Variants in IGF2BP2 observed in about 807,000 individuals in gnomAD.
The protein encoded by IGF2BP2 is insulin-like growth factor 2 mRNA-binding protein 2.
IGF2BP2 carries 17 observed loss-of-function variants against 75.8 expected under a neutral mutation model. The ratio of observed to expected loss-of-function variants is 0.22; its 90% CI spans 0.15 to 0.34. The LOEUF (loss-of-function observed/expected upper bound fraction) is 0.34. IGF2BP2 is among the 10% of genes least tolerant of loss of function. IGF2BP2 has a pLI of 1.00. For missense variants in IGF2BP2, 516 were observed against 772.4 expected (o/e 0.67, Z 3.93); for synonymous variants, 288 against 295.6 (o/e 0.97, Z 0.26).
intron 13 of IGF2BP2, among the ~76,000 whole-genome samples, chr3:185,650,087 TC>T (rs1181537206): frequency 6.7e-6 from 1 of 149,772 alleles, no homozygotes; most frequent in East Asian, 1.9e-4. Flanking sequence ...ATGTTTTCAT[TC>T]TTTTTTTTTT....
intron 2 of IGF2BP2, among the ~76,000 whole-genome samples, chr3:185,793,344 G>T (rs1319919397): frequency 6.6e-6 from 1 of 152,098 alleles, no homozygotes; most frequent in African/African-American, 2.4e-5. Flanking sequence ...TGCCACACAG[G>T]GATGTTGGGA....
At chr3:185,651,683 C>T (rs535223221) in intron 13 of IGF2BP2, among the ~76,000 whole-genome samples, 3 of 152,238 alleles carry the variant, frequency 2.0e-5, no homozygotes, top group South Asian at 2.1e-4. Context: ...AAGGCAAAAA[C>T]AAAACAAAGC....
intron 10 of IGF2BP2, among the ~76,000 whole-genome samples, chr3:185,669,246 C>G (rs988821116): frequency 4.0e-5 from 6 of 151,868 alleles, no homozygotes; most frequent in African/African-American, 7.3e-5. Context: ...ATTCTACTTC[C>G]AGGAAATTAT....
In IGF2BP2 at chr3:185,761,104, T is replaced by C. The variant is rs76525706; in HGVS notation, c.239+62049A>G. Among the ~76,000 whole-genome samples the C allele has an allele frequency of 3.7e-3, 565 of 152,274 alleles. 17 individuals carry two copies. The East Asian group carries it at 0.071, about 19-fold the overall frequency. On this transcript the variant is annotated intron_variant, in intron 2 of 15. Coordinates refer to ENST00000382199, the MANE Select transcript of IGF2BP2 (RefSeq NM_006548.6). Reference sequence around the variant, plus strand: ...TGTCTTAAAGCCCAGGAAAATATCATTTGATTATGATTATTTCTGATGATG... The same window carrying C: ...TGTCTTAAAGCCCAGGAAAATATCACTTGATTATGATTATTTCTGATGATG...
At chr3:185,692,079 A>G (rs1227452649) in intron 5 of IGF2BP2, among the ~76,000 whole-genome samples, 1 of 152,138 alleles carries the variant, frequency 6.6e-6, no homozygotes, top group Non-Finnish European at 1.5e-5. Flanking sequence ...TTAACAGCTA[A>G]GCTCAAAATT....
intron 2 of IGF2BP2, among the ~76,000 whole-genome samples, chr3:185,701,757 A>C (rs1450713348): frequency 6.6e-6 from 1 of 152,176 alleles, no homozygotes; most frequent in Non-Finnish European, 1.5e-5. Flanking sequence ...TCAGGATGGA[A>C]AGGAAGGAAC....
chr3:185,805,681 A>G (rs1438472607), intron 2 of IGF2BP2, among the ~76,000 whole-genome samples: 1 of 152,190 alleles, frequency 6.6e-6, no homozygotes. Context: ...GTTATAGATC[A>G]CATTTGATCC....
intron 2 of IGF2BP2, among the ~76,000 whole-genome samples, chr3:185,782,561 A>G (rs926491610): frequency 3.3e-5 from 5 of 152,050 alleles, no homozygotes; most frequent in Non-Finnish European, 7.4e-5. Flanking sequence ...TAATTTTGAG[A>G]CCCTTTGAAA....
intron 2 of IGF2BP2, among the ~76,000 whole-genome samples, chr3:185,745,880 A>C (rs76032555): frequency 1.3e-5 from 2 of 149,582 alleles, no homozygotes; most frequent in Admixed American, 6.7e-5. Flanking sequence ...GTACATAAGA[A>C]AAAAAAAAAA....
At chr3:185,731,819 A>G (rs547261929) in intron 2 of IGF2BP2, among the ~76,000 whole-genome samples, 4 of 151,878 alleles carry the variant, frequency 2.6e-5, no homozygotes, top group Admixed American at 2.0e-4. Flanking sequence ...ACTAAAATAC[A>G]CACAAAAAAA....
At chr3:185,711,449 A>T (rs902292676) in intron 2 of IGF2BP2, among the ~76,000 whole-genome samples, 3 of 152,182 alleles carry the variant, frequency 2.0e-5, no homozygotes, top group Admixed American at 1.3e-4. Context: ...GCTGATTCAC[A>T]CTATCTTCTG....
intron 7 of IGF2BP2, among the ~76,000 whole-genome samples, chr3:185,684,925 G>A (rs966232347): frequency 2.6e-5 from 4 of 152,020 alleles, no homozygotes; most frequent in African/African-American, 9.7e-5. Context: ...TGTAGGCACT[G>A]AAAAATTTTT....
intron 2 of IGF2BP2, among the ~76,000 whole-genome samples, chr3:185,715,208 A>T (rs1725407060): frequency 6.6e-6 from 1 of 152,268 alleles, no homozygotes; most frequent in Admixed American, 6.5e-5. Context: ...GGAATGAGGC[A>T]CACAAAGGCA....
intron 10 of IGF2BP2, among the ~76,000 whole-genome samples, chr3:185,668,396 C>T (rs955289426): frequency 4.0e-5 from 6 of 150,818 alleles, no homozygotes; most frequent in African/African-American, 1.5e-4. Flanking sequence ...TACTACACTT[C>T]TAGGGCGGGG....
chr3:185,725,408 A>G (rs138238207), intron 2 of IGF2BP2, among the ~76,000 whole-genome samples: 30 of 152,308 alleles, frequency 2.0e-4, no homozygotes, highest in African/African-American at 7.0e-4. Flanking sequence ...CACTGATACT[A>G]TGTGATGCAA....
At chr3:185,652,526 C>T (rs551751243) in intron 12 of IGF2BP2, among the ~76,000 whole-genome samples, 1 of 152,198 alleles carries the variant, frequency 6.6e-6, no homozygotes, top group East Asian at 1.9e-4. Context: ...GCTCTGCCAA[C>T]CCACCTAGGG....
chr3:185,745,818 G>A (rs1252959105), intron 2 of IGF2BP2, among the ~76,000 whole-genome samples: 5 of 151,862 alleles, frequency 3.3e-5, no homozygotes, highest in Admixed American at 1.3e-4. Context: ...GCACCATTTC[G>A]TATTGTGAAT....
intron 7 of IGF2BP2, among the ~76,000 whole-genome samples, chr3:185,676,774 G>GATATATATTTACTGGAAAT (rs1719433117): frequency 7.3e-6 from 1 of 137,024 alleles, no homozygotes; most frequent in Non-Finnish European, 1.6e-5. Flanking sequence ...TATATATGGA[G>GATATATATTTACTGGAAAT]ATATATATTT....
At chr3:185,700,311 G>A (rs1723117613) in intron 2 of IGF2BP2, among the ~76,000 whole-genome samples, 1 of 152,160 alleles carries the variant, frequency 6.6e-6, no homozygotes, top group South Asian at 2.1e-4. Context: ...TGTCACAGGG[G>A]CAACCCCACC....
Sources: allele counts gnomAD v4.1 joint callset (sites outside exome capture counted in the v4.1 genomes callset), GRCh38; gene constraint gnomAD v4.1.1; transcripts MANE v1.5; gene names NCBI Gene and HGNC (gene_info 2026-07-23, HGNC 2026-07-21).